Variants in WASHC2C observed in about 807,000 individuals in gnomAD.
WASHC2C encodes Vaccinia Penetration Factor.
A neutral mutation model predicts 142.2 loss-of-function variants in WASHC2C; 73 were observed. The observed-to-expected ratio is 0.51, with a 90% confidence interval of 0.43 to 0.62. The LOEUF is 0.62. Among genes scored for constraint, WASHC2C ranks in the 20% least tolerant of loss-of-function variants. The probability of loss-of-function intolerance (pLI) is 0.00; values close to 1 mark genes in which losing one functional copy is unlikely to be tolerated. For missense variants in WASHC2C, 969 were observed against 1,531.7 expected, an observed-to-expected ratio of 0.63 and a Z score of 6.13; for synonymous variants, 337 against 565.5, an observed-to-expected ratio of 0.60 and a Z score of 5.73.
At chr10:45,739,656 T>C (rs1353121046) in intron 4 of WASHC2C, among the ~76,000 whole-genome samples, 2 of 151,812 alleles carry the variant, frequency 1.3e-5, no homozygotes, top group African/African-American at 4.8e-5. Flanking sequence ...ATGAGACCTC[T>C]GTGACCTTCC....
intron 4 of WASHC2C, among the ~76,000 whole-genome samples, chr10:45,739,287 GTTT>G (rs201280534): frequency 6.6e-4 from 85 of 129,034 alleles, no homozygotes; most frequent in African/African-American, 2.2e-3. Context: ...TGCTCGTAGG[GTTT>G]TTTTTTTTTT....
intron 19 of WASHC2C, among the ~76,000 whole-genome samples, chr10:45,768,869 C>G (rs554853433): frequency 4.7e-5 from 7 of 150,016 alleles, no homozygotes; most frequent in Non-Finnish European, 8.9e-5. Flanking sequence ...ATAGACAAGT[C>G]GCTTGTAATA....
chr10:45,762,889 G>A (rs1554880582), intron 17 of WASHC2C, among the ~76,000 whole-genome samples: 1 of 152,186 alleles, frequency 6.6e-6, no homozygotes, highest in African/African-American at 2.4e-5. Flanking sequence ...CTGGGCAACA[G>A]AGCGAGACTC....
chr10:45,790,210 G>A (rs2058318085), intron 29 of WASHC2C, 146 bp from the exon 30 acceptor site: 3 of 1,340,508 alleles, frequency 2.2e-6, no homozygotes, highest in African/African-American at 1.5e-5. Context: ...CAGAGATCTG[G>A]GGTAGTGCAT....
intron 20 of WASHC2C, among the ~76,000 whole-genome samples, chr10:45,770,939 C>G (rs2056520974): frequency 6.6e-6 from 1 of 152,158 alleles, no homozygotes; most frequent in Admixed American, 6.5e-5. Context: ...CATTCTGAGC[C>G]CTCAGGTATT....
At position 45,727,298 on chromosome 10, in the gene WASHC2C, C is replaced by T. The variant is rs777715600; in HGVS notation, c.-20C>T. 4.1e-4 allele frequency: 635 copies of T among 1,563,150 alleles called. No homozygotes were observed. Among genetic ancestry groups the T allele is most frequent in the Non-Finnish European group, 5.2e-4 (606 of 1,155,314 alleles). On this transcript the variant is annotated 5_prime_UTR_variant, in exon 1 of 31. Coordinates refer to ENST00000623400, the MANE Select transcript of WASHC2C (RefSeq NM_001330074.2). ...GGCCTGTGCTGGCAGCCTCGGAGCCCACCGAGCCGGGCGGCTGGGATGGTG... is the reference window on the plus strand; with the variant it reads ...GGCCTGTGCTGGCAGCCTCGGAGCCTACCGAGCCGGGCGGCTGGGATGGTG...
At chr10:45,782,407 C>A (rs1252077804) in intron 23 of WASHC2C, among the ~76,000 whole-genome samples, 2 of 147,760 alleles carry the variant, frequency 1.4e-5, no homozygotes, top group Non-Finnish European at 1.5e-5. Flanking sequence ...AGTGACATAC[C>A]ACTTCATACC....
At chr10:45,730,419 C>T (rs1203750885) in intron 3 of WASHC2C, among the ~76,000 whole-genome samples, 1 of 145,762 alleles carries the variant, frequency 6.9e-6, no homozygotes, top group Admixed American at 6.9e-5. Context: ...CATGCTTGGT[C>T]CTGACTATCT....
intron 20 of WASHC2C, among the ~76,000 whole-genome samples, chr10:45,770,613 A>G (rs2056482513): frequency 6.6e-6 from 1 of 152,236 alleles, no homozygotes; most frequent in Non-Finnish European, 1.5e-5. Context: ...GTCATTTGAT[A>G]GATTCAGAAG....
intron 16 of WASHC2C, among the ~76,000 whole-genome samples, chr10:45,757,714 T>G (rs1227060073): frequency 6.6e-6 from 1 of 151,998 alleles, no homozygotes; most frequent in Non-Finnish European, 1.5e-5. Flanking sequence ...CCCAACCTTT[T>G]TGGCATTAGG....
chr10:45,775,318 C>T (rs1217375702), intron 21 of WASHC2C, among the ~76,000 whole-genome samples: 1 of 130,498 alleles, frequency 7.7e-6, no homozygotes, highest in African/African-American at 2.9e-5. Context: ...GGAACCCCAT[C>T]TCTATTAAAA....
chr10:45,781,278 G>A (rs2057483461), intron 23 of WASHC2C, among the ~76,000 whole-genome samples: 1 of 152,232 alleles, frequency 6.6e-6, no homozygotes, highest in South Asian at 2.1e-4. Context: ...ATATTGGTAA[G>A]GTGGCAATAC....
intron 26 of WASHC2C, 133 bp from the exon 27 acceptor site, chr10:45,786,479 T>C: frequency 1.1e-6 from 1 of 945,468 alleles, no homozygotes; most frequent in East Asian, 2.4e-5. Context: ...CCAGGAGAGA[T>C]TTGAATGCCT....
At position 45,769,688 on chromosome 10, in the gene WASHC2C, A is replaced by G. The variant is rs536623089; in HGVS notation, c.2039+70A>G. 6.2e-6 allele frequency: 10 copies of G among 1,608,962 alleles called. No individual in the cohort carries two copies. In the Admixed American group the frequency reaches 1.5e-4, roughly 24 times the overall value. ...AACAAGAAAAGGAATCTGATGCACA[A>G]TCTAGTTCATCGGGTGATTGCTAAT... is the stretch of plus-strand genomic sequence containing the variant. On this transcript the variant is annotated intron_variant, in intron 20 of 30. Coordinates refer to ENST00000623400, the MANE Select transcript of WASHC2C (RefSeq NM_001330074.2).
chr10:45,755,133 C>T lies in WASHC2C; in HGVS notation c.1420+18C>T, dbSNP rs182653568. Reference sequence around the variant, plus strand: ...TAAAACACGTATGTGTTCCTGCCTCCGTTTCTAGGACTTCAGCCAGAAAAA... The same window carrying T: ...TAAAACACGTATGTGTTCCTGCCTCTGTTTCTAGGACTTCAGCCAGAAAAA... On this transcript the variant is annotated intron_variant, in intron 15 of 30. Coordinates refer to ENST00000623400, the MANE Select transcript of WASHC2C (RefSeq NM_001330074.2). 3.7e-5 allele frequency: 59 copies of T among 1,590,936 alleles called. No homozygotes were observed. Among genetic ancestry groups the T allele is most frequent in the East Asian group, 1.8e-4 (8 of 44,006 alleles).
At chr10:45,773,869 G>T (rs2056840808) in intron 21 of WASHC2C, among the ~76,000 whole-genome samples, 1 of 138,488 alleles carries the variant, frequency 7.2e-6, no homozygotes, top group Non-Finnish European at 1.5e-5. Context: ...GGAGCTTATT[G>T]GGATGAAAAA....
rs772173386 is a variant in WASHC2C, at chr10:45,727,327, G to C, written c.3+7G>C. 13 of 1,582,706 alleles carry C rather than the reference G, an allele frequency of 8.2e-6. No individual in the cohort carries two copies. The African/African-American group carries it at 1.8e-4, about 21-fold the overall frequency. ...GAGCCGGGCGGCTGGGATGGTGAGG[G>C]CGGCGGGCCGGAGAGGGGCCGGCCT... On this transcript the variant is annotated splice_region_variant and intron_variant, in intron 1 of 30. Coordinates refer to ENST00000623400, the MANE Select transcript of WASHC2C (RefSeq NM_001330074.2).
chr10:45,736,477 G>C (rs1564700926), intron 3 of WASHC2C, among the ~76,000 whole-genome samples: 1 of 145,658 alleles, frequency 6.9e-6, no homozygotes, highest in Admixed American at 7.0e-5. Flanking sequence ...GTGCACGCCT[G>C]TAATCCCAAT....
Position 45,755,030 on chromosome 10 carries a change from C to T in WASHC2C, c.1335C>T (p.Pro445=). Residue 445 remains proline, a synonymous_variant, in exon 15 of 31, where the codon CCC becomes CCT. Transcript: ENST00000623400. The stretch of plus-strand genomic sequence containing the variant: ...CTCCAAGGAAAAGCCCCTATGGTCC[C>T]CCTCCCACTGGCCTCTTTGATGATG... ...QPTPRKSPYG[P]PPTGLFDDDD... is the part of the protein sequence containing the mutation. The T allele has an allele frequency of 1.2e-6, 2 of 1,611,886 alleles. No homozygotes were observed. The highest frequency in any genetic ancestry group is 1.7e-6 in the Non-Finnish European group (2 of 1,179,852).
Sources: allele counts gnomAD v4.1 joint callset (sites outside exome capture counted in the v4.1 genomes callset), GRCh38; gene constraint gnomAD v4.1.1; transcripts MANE v1.5; gene names NCBI Gene and HGNC (gene_info 2026-07-23, HGNC 2026-07-21).